The following TMEM117 variants were observed in gnomAD, a reference collection of about 807,000 sequenced individuals.
TMEM117 encodes transmembrane protein 117.
In TMEM117, 27 loss-of-function variants were observed where a neutral mutation model predicts 52.4. That is an observed-to-expected ratio of 0.51 (90% CI 0.38 to 0.71). TMEM117 has a LOEUF of 0.71. TMEM117 is among the 30% of genes least tolerant of loss of function. The pLI is 0.00. For synonymous variants in TMEM117, 215 were observed against 206.3 expected, an observed-to-expected ratio of 1.04 and a Z score of -0.36; for missense variants, 556 against 630.5, an observed-to-expected ratio of 0.88 and a Z score of 1.26.
chr12:43,843,942 A>C (rs897716259), intron 1 of TMEM117, among the ~76,000 whole-genome samples: 4 of 152,274 alleles, frequency 2.6e-5, no homozygotes, highest in African/African-American at 9.6e-5. Flanking sequence ...ATAAGCAATC[A>C]TAACTCTGAG....
chr12:44,153,407 A>G (rs759467922), intron 4 of TMEM117, among the ~76,000 whole-genome samples: 4 of 151,254 alleles, frequency 2.6e-5, no homozygotes, highest in Non-Finnish European at 4.4e-5. Context: ...TTTTGGTTCA[A>G]TTTTTTTTTC....
intron 3 of TMEM117, among the ~76,000 whole-genome samples, chr12:43,949,815 G>A (rs931242526): frequency 5.9e-5 from 9 of 152,192 alleles, no homozygotes; most frequent in Non-Finnish European, 1.0e-4. Flanking sequence ...ACTTAAACTG[G>A]GCTCTGGGGG....
chr12:44,079,584 A>G (rs1947445573), intron 3 of TMEM117, among the ~76,000 whole-genome samples: 1 of 152,070 alleles, frequency 6.6e-6, no homozygotes, highest in South Asian at 2.1e-4. Flanking sequence ...TGTAAATTTA[A>G]GTTACATTTC....
chr12:44,057,201 C>G (rs1397579457), intron 3 of TMEM117, among the ~76,000 whole-genome samples: 1 of 152,080 alleles, frequency 6.6e-6, no homozygotes, highest in Non-Finnish European at 1.5e-5. Flanking sequence ...ATCTAAATTG[C>G]CCAGTTGCTA....
chr12:43,836,528 C>T (rs1268881324), intron 1 of TMEM117, among the ~76,000 whole-genome samples: 1 of 152,112 alleles, frequency 6.6e-6, no homozygotes, highest in Non-Finnish European at 1.5e-5. Context: ...TGCAGAGATA[C>T]GGCGGGAGAG....
intron 3 of TMEM117, among the ~76,000 whole-genome samples, chr12:43,952,928 A>G (rs1312952260): frequency 6.6e-6 from 1 of 152,194 alleles, no homozygotes; most frequent in Non-Finnish European, 1.5e-5. Context: ...GAAGCCCATC[A>G]GACTAACAGC....
At chr12:44,125,146 C>T (rs533634656) in intron 3 of TMEM117, among the ~76,000 whole-genome samples, 1 of 152,072 alleles carries the variant, frequency 6.6e-6, no homozygotes, top group African/African-American at 2.4e-5. Flanking sequence ...GCTCTTTCGC[C>T]CAGGCTGGAG....
At chr12:44,271,800 C>T (rs896555970) in intron 5 of TMEM117, among the ~76,000 whole-genome samples, 1 of 151,902 alleles carries the variant, frequency 6.6e-6, no homozygotes, top group Non-Finnish European at 1.5e-5. Flanking sequence ...GAATAAATAA[C>T]TCATAGAATG....
intron 2 of TMEM117, among the ~76,000 whole-genome samples, chr12:43,846,600 T>C (rs1943212840): frequency 6.6e-6 from 1 of 152,218 alleles, no homozygotes; most frequent in South Asian, 2.1e-4. Flanking sequence ...GGCAAGGTCT[T>C]TGCCTTCATA....
chr12:44,372,990 CA>C (rs1285416193), intron 6 of TMEM117, among the ~76,000 whole-genome samples: 2 of 152,112 alleles, frequency 1.3e-5, no homozygotes, highest in Non-Finnish European at 2.9e-5. Context: ...TTTTATTTGT[CA>C]ATTATACTTC....
chr12:44,015,881 A>G (rs73087672), intron 3 of TMEM117, among the ~76,000 whole-genome samples: 8,914 of 152,250 alleles, frequency 0.059, 393 homozygotes, highest in African/African-American at 0.12. Flanking sequence ...TATACAACTC[A>G]TTTAGATATA....
At chr12:44,027,720 A>C (rs1319869448) in intron 3 of TMEM117, among the ~76,000 whole-genome samples, 1 of 152,174 alleles carries the variant, frequency 6.6e-6, no homozygotes, top group African/African-American at 2.4e-5. Context: ...AGAGGTTTAT[A>C]TTCTAGGACT....
intron 3 of TMEM117, among the ~76,000 whole-genome samples, chr12:43,967,022 G>A (rs566575305): frequency 5.9e-5 from 9 of 152,214 alleles, no homozygotes; most frequent in African/African-American, 2.2e-4. Flanking sequence ...CTACTTCCTG[G>A]TATTAAGCCC....
intron 5 of TMEM117, among the ~76,000 whole-genome samples, chr12:44,298,337 CTA>C (rs1437780836): frequency 6.7e-6 from 1 of 150,236 alleles, no homozygotes; most frequent in African/African-American, 2.5e-5. Context: ...TATTTCACCT[CTA>C]TGTTTTTTCT....
the TMEM117 span, among the ~76,000 whole-genome samples, chr12:43,816,278 C>T: frequency 2.6e-5 from 4 of 152,152 alleles, no homozygotes; most frequent in Non-Finnish European, 5.9e-5. Context: ...CTTTCCACAC[C>T]ACAGTTAGCT....
chr12:44,161,949 A>G (rs1311721755), intron 4 of TMEM117, among the ~76,000 whole-genome samples: 1 of 152,152 alleles, frequency 6.6e-6, no homozygotes, highest in African/African-American at 2.4e-5. Flanking sequence ...TGAGGCATCT[A>G]TGGAACATCA....
rs139671197 is a variant in TMEM117, at chr12:44,079,666, C to T, written c.411-63859C>T. 4.1e-4 allele frequency among the ~76,000 whole-genome samples: 63 copies of T among 151,978 alleles called. 1 individual carries two copies. The East Asian group carries it at 0.012, about 28-fold the overall frequency. The stretch of plus-strand genomic sequence containing the variant: ...TATCTCAACATAAGATTTTATGAGA[C>T]TAAGGGGAAGCAAACCAAAAAATTG... On this transcript the variant is annotated intron_variant, in intron 3 of 7. Transcript: ENST00000266534.
At chr12:44,243,595 ATATC>A (rs1272968630) in intron 5 of TMEM117, among the ~76,000 whole-genome samples, 1 of 151,774 alleles carries the variant, frequency 6.6e-6, no homozygotes, top group Admixed American at 6.6e-5. Context: ...GCAAATTAAC[ATATC>A]TATTATTTCA....
At chr12:44,374,147 A>G (rs1473174511) in intron 6 of TMEM117, among the ~76,000 whole-genome samples, 1 of 152,082 alleles carries the variant, frequency 6.6e-6, no homozygotes, top group Non-Finnish European at 1.5e-5. Context: ...TATCATTATT[A>G]CTTTTCTGCT....
Sources: allele counts gnomAD v4.1 joint callset (sites outside exome capture counted in the v4.1 genomes callset), GRCh38; gene constraint gnomAD v4.1.1; transcripts MANE v1.5; gene names NCBI Gene and HGNC (gene_info 2026-07-23, HGNC 2026-07-21).